The following RBX1 variants were observed in gnomAD, a reference collection of about 807,000 sequenced individuals.
RBX1 encodes the protein E3 ubiquitin-protein ligase RBX1.
For synonymous variants in RBX1, 48 were observed against 47.9 expected, an observed-to-expected ratio of 1.00 and a Z score of -0.01; for missense variants, 46 against 141.4, an observed-to-expected ratio of 0.33 and a Z score of 3.42.
At chr22:40,957,180 T>C (rs2058327996) in intron 2 of RBX1, among the ~76,000 whole-genome samples, 1 of 151,382 alleles carries the variant, frequency 6.6e-6, no homozygotes, top group South Asian at 2.1e-4. Flanking sequence ...ACCCCATCTC[T>C]ACTAAAAATA....
chr22:40,964,134 ACC>A lies in RBX1; in HGVS notation c.228+18_228+19del. 1 of 1,585,222 alleles carries A rather than the reference ACC, an allele frequency of 6.3e-7. No homozygotes were observed. The highest frequency in any genetic ancestry group is 1.7e-4 in the Middle Eastern group (1 of 6,010). ...GTCTGTAACGTAAGGAAGCATCTTT[ACC>A]TGTCAGCATGGCTTGTAAACATATT... On this transcript the variant is annotated intron_variant, in intron 3 of 4. Coordinates refer to ENST00000216225, the MANE Select transcript of RBX1 (RefSeq NM_014248.4).
Position 40,971,451 on chromosome 22 carries a change from G to C in RBX1, c.315-1025G>C, listed in dbSNP as rs1236349042. On this transcript the variant is annotated intron_variant, in intron 4 of 4. Transcript: ENST00000216225. ...CCAAATAACAAATTATTTTAATCAG[G>C]TTAACTGCCTAAAAAGATCCAGGAC... is the stretch of plus-strand genomic sequence containing the variant. 5.9e-5 allele frequency among the ~76,000 whole-genome samples: 9 copies of C among 152,240 alleles called. No individual in the cohort carries two copies. The East Asian group carries it at 7.7e-4, about 13-fold the overall frequency.
chr22:40,969,925 G>C (rs1852479132), intron 4 of RBX1, among the ~76,000 whole-genome samples: 1 of 151,706 alleles, frequency 6.6e-6, no homozygotes, highest in Admixed American at 6.6e-5. Context: ...GCTGGATGTG[G>C]TGCCATGCAC....
chr22:40,955,461 T>C (rs1305746409), intron 2 of RBX1, among the ~76,000 whole-genome samples: 2 of 152,154 alleles, frequency 1.3e-5, no homozygotes, highest in Non-Finnish European at 2.9e-5. Flanking sequence ...AATTAATGTA[T>C]TTTATTTAAC....
chr22:40,971,764 C>T (rs929775552), intron 4 of RBX1, among the ~76,000 whole-genome samples: 1 of 151,992 alleles, frequency 6.6e-6, no homozygotes, highest in African/African-American at 2.4e-5. Flanking sequence ...ACCATGTTGG[C>T]CAGGCTGGTT....
At chr22:40,951,540 G>C in intron 1 of RBX1, 64 bp downstream of exon 1, 1 of 1,473,580 alleles carries the variant, frequency 6.8e-7, no homozygotes, top group South Asian at 1.2e-5. Flanking sequence ...TGGCAGGCCC[G>C]AGGATGGTCG....
At chr22:40,969,008 A>G (rs2058361455) in intron 4 of RBX1, among the ~76,000 whole-genome samples, 1 of 151,438 alleles carries the variant, frequency 6.6e-6, no homozygotes, top group Admixed American at 6.6e-5. Context: ...AACATTTTTT[A>G]TATTTTTTAA....
chr22:40,957,104 T>C (rs1030619822), intron 2 of RBX1, among the ~76,000 whole-genome samples: 12 of 151,742 alleles, frequency 7.9e-5, no homozygotes, highest in Admixed American at 7.2e-4. Flanking sequence ...TCCCAGCACT[T>C]TGGGAGGCTG....
At chr22:40,971,644 A>G (rs1224175221) in intron 4 of RBX1, among the ~76,000 whole-genome samples, 2 of 151,610 alleles carry the variant, frequency 1.3e-5, no homozygotes, top group African/African-American at 2.4e-5. Context: ...GCAACCTCCA[A>G]CTCCCGGGTT....
At chr22:40,956,742 AAC>A (rs1326983246) in intron 2 of RBX1, among the ~76,000 whole-genome samples, 11 of 151,844 alleles carry the variant, frequency 7.2e-5, no homozygotes, top group Admixed American at 5.9e-4. Flanking sequence ...ACCTTTAAGA[AAC>A]ACACTCTTAG....
At chr22:40,965,422 GTT>G (rs569236928) in intron 3 of RBX1, among the ~76,000 whole-genome samples, 1 of 139,034 alleles carries the variant, frequency 7.2e-6, no homozygotes. Flanking sequence ...CTGGTTTTTT[GTT>G]TTTTTTTTTG....
chr22:40,969,361 C>G (rs2058362391), intron 4 of RBX1, among the ~76,000 whole-genome samples: 1 of 152,182 alleles, frequency 6.6e-6, no homozygotes. Flanking sequence ...TTCACTGATG[C>G]AAGCAATGTG....
intron 2 of RBX1, among the ~76,000 whole-genome samples, chr22:40,958,697 G>A (rs2058331928): frequency 6.6e-6 from 1 of 152,052 alleles, no homozygotes; most frequent in Non-Finnish European, 1.5e-5. Context: ...CCTGATGATG[G>A]GGAATCTTCA....
chr22:40,964,255 A>G (rs1369234618), intron 3 of RBX1, 138 bp downstream of exon 3: 1 of 617,504 alleles, frequency 1.6e-6, no homozygotes, highest in African/African-American at 1.9e-5. Context: ...AGTAAAAAAG[A>G]TTTTAAATCA....
At chr22:40,969,070 T>A (rs562099383) in intron 4 of RBX1, among the ~76,000 whole-genome samples, 1 of 152,128 alleles carries the variant, frequency 6.6e-6, no homozygotes, top group African/African-American at 2.4e-5. Flanking sequence ...TCCCAGCACT[T>A]TGGGAGGCCG....
chr22:40,967,563 T>C (rs1197791722), intron 3 of RBX1: 6 of 418,046 alleles, frequency 1.4e-5, no homozygotes, highest in Non-Finnish European at 2.6e-5. Context: ...CACATACTCC[T>C]GTGCTTCCTG....
At chr22:40,964,268 A>G (rs2058348289) in intron 3 of RBX1, 151 bp downstream of exon 3, 1 of 589,508 alleles carries the variant, frequency 1.7e-6, no homozygotes, top group Admixed American at 3.0e-5. Flanking sequence ...TTAAATCATA[A>G]TACTATTCAC....
At chr22:40,957,646 A>AGGAG (rs1224991548) in intron 2 of RBX1, among the ~76,000 whole-genome samples, 3 of 152,048 alleles carry the variant, frequency 2.0e-5, no homozygotes, top group Non-Finnish European at 4.4e-5. Context: ...TCAAAAAGAG[A>AGGAG]AACACTGTTT....
At chr22:40,954,270 C>CA (rs138624516) in intron 2 of RBX1, among the ~76,000 whole-genome samples, 56,086 of 133,322 alleles carry the variant, frequency 0.42, 12,377 homozygotes, top group East Asian at 0.74. Context: ...CTCAAAGTCT[C>CA]AAAAAAAAAA....
Sources: allele counts gnomAD v4.1 joint callset (sites outside exome capture counted in the v4.1 genomes callset), GRCh38; gene constraint gnomAD v4.1.1; transcripts MANE v1.5; gene names NCBI Gene and HGNC (gene_info 2026-07-23, HGNC 2026-07-21).